The following CHD1L variants were observed in gnomAD, a reference collection of about 807,000 sequenced individuals.
CHD1L encodes the protein ATP-dependent chromatin remodeler CHD1L.
A neutral mutation model predicts 115.9 loss-of-function variants in CHD1L; 118 were observed. The ratio of observed to expected loss-of-function variants is 1.02; its 90% CI spans 0.88 to 1.19. The LOEUF (loss-of-function observed/expected upper bound fraction) is 1.19, where lower values mean the gene tolerates loss of function less well. Among genes scored for constraint, CHD1L ranks in the 50% most tolerant of loss-of-function variants. The pLI is 0.00. For missense variants in CHD1L, 1,179 were observed against 1,065.3 expected, an observed-to-expected ratio of 1.11 and a Z score of -1.49; for synonymous variants, 411 against 387.1, an observed-to-expected ratio of 1.06 and a Z score of -0.72.
intron 15 of CHD1L, among the ~76,000 whole-genome samples, chr1:147,280,632 T>A (rs112476250): frequency 6.6e-6 from 1 of 152,224 alleles, no homozygotes; most frequent in Non-Finnish European, 1.5e-5. Context: ...GTGCGGACTT[T>A]GTCATGTGCT....
the CHD1L span, chr1:147,178,064 T>C: frequency 9.3e-7 from 1 of 1,072,100 alleles, no homozygotes. Flanking sequence ...ACCGCCGCAG[T>C]CCCAGTCGAG....
chr1:147,247,444 C>T (rs1666971964), intron 1 of CHD1L, among the ~76,000 whole-genome samples: 1 of 152,080 alleles, frequency 6.6e-6, no homozygotes, highest in Non-Finnish European at 1.5e-5. Context: ...AAGAGCCTGG[C>T]ATCCCCCACG....
At chr1:147,207,514 A>G in the CHD1L span, among the ~76,000 whole-genome samples, 311 of 152,266 alleles carry the variant, frequency 2.0e-3, 1 homozygote, top group African/African-American at 7.3e-3. Flanking sequence ...CTTCATTATA[A>G]TCTGTCCTCT....
intron 20 of CHD1L, among the ~76,000 whole-genome samples, chr1:147,292,720 AAGAG>A (rs1170037556): frequency 6.6e-6 from 1 of 152,200 alleles, no homozygotes; most frequent in African/African-American, 2.4e-5. Context: ...GAGCAGGAAC[AAGAG>A]AGAGTGGGGG....
rs587667358 is a variant in CHD1L, at chr1:147,280,667, A to G, written c.1705+476A>G. Among the ~76,000 whole-genome samples the G allele has an allele frequency of 7.2e-5, 11 of 152,276 alleles. No individual in the cohort carries two copies. In the South Asian group the frequency reaches 1.2e-3, roughly 17 times the overall value. ...TTTTTCCATTTAATTTCTGTAATCC[A>G]TGAGATGTAGGAGATGGTTTTGTCT... On this transcript the variant is annotated intron_variant, in intron 15 of 22. Coordinates refer to ENST00000369258, the MANE Select transcript of CHD1L (RefSeq NM_004284.6).
chr1:147,212,852 C>G, the CHD1L span, among the ~76,000 whole-genome samples: 1 of 152,082 alleles, frequency 6.6e-6, no homozygotes, highest in South Asian at 2.1e-4. Context: ...CCTTAAATAC[C>G]TACTCGCATT....
chr1:147,203,761 T>C, the CHD1L span: 89 of 1,530,818 alleles, frequency 5.8e-5, no homozygotes, highest in Non-Finnish European at 7.9e-5. Flanking sequence ...CATCATCTAC[T>C]GCCCTTTCTA....
the CHD1L span, chr1:147,213,310 G>A: frequency 6.2e-7 from 1 of 1,604,342 alleles, no homozygotes; most frequent in Non-Finnish European, 8.5e-7. Flanking sequence ...CTGCTCACCA[G>A]GGAAGCTTTC....
At chr1:147,288,397 C>T (rs1553967958) in intron 19 of CHD1L, among the ~76,000 whole-genome samples, 1 of 143,646 alleles carries the variant, frequency 7.0e-6, no homozygotes, top group African/African-American at 2.6e-5. Context: ...ATGAAAATAT[C>T]AAAGATCTAT....
In CHD1L at chr1:147,264,550, A is replaced by T. The variant is rs782408250; in HGVS notation, c.705A>T (p.Gln235His). ...AGGAAGAGGTGGGAGATTTTATTCA[A>T]CGCTACCAGGATATTGAGAAAGAAT... ...FSKEEVGDFI[Q>H]RYQDIEKESE... The change falls in exon 7 of 23, where the codon CAA becomes CAT. Residue 235 changes from glutamine to histidine, a missense_variant. Gln to His is a conservative substitution (Grantham distance 24). Coordinates refer to ENST00000369258, the MANE Select transcript of CHD1L (RefSeq NM_004284.6). 4.3e-6 allele frequency: 7 copies of T among 1,613,882 alleles called. No homozygotes were observed. The South Asian group carries it at 7.7e-5, about 18-fold the overall frequency.
chr1:147,226,338 G>A, the CHD1L span, among the ~76,000 whole-genome samples: 1 of 152,112 alleles, frequency 6.6e-6, no homozygotes, highest in Non-Finnish European at 1.5e-5. Flanking sequence ...ACTGAGCTGA[G>A]TGCTGGAGTA....
At chr1:147,288,322 C>A (rs1224326756) in intron 19 of CHD1L, among the ~76,000 whole-genome samples, 4 of 87,892 alleles carry the variant, frequency 4.6e-5, no homozygotes, top group East Asian at 3.8e-4. Flanking sequence ...GACCCTGTTT[C>A]AATAAAAAAA....
Position 147,291,508 on chromosome 1 carries a change from T to C in CHD1L, c.2347T>C (p.Phe783Leu), listed in dbSNP as rs782054927. The change falls in exon 20 of 23, where the codon TTT becomes CTT. Residue 783 changes from phenylalanine (F) to leucine (L), a missense_variant. Phe to Leu is a conservative substitution (Grantham distance 22). Transcript: ENST00000369258. ...KDLSLGGVLLFPVDDKESRNK... is the reference protein window; with the variant it reads ...KDLSLGGVLLLPVDDKESRNK... Reference sequence around the variant, plus strand: ...CCTGAGTTTGGGAGGTGTCCTTTTATTTCCTGTTGATGATAAAGAATCAAG... The same window carrying C: ...CCTGAGTTTGGGAGGTGTCCTTTTACTTCCTGTTGATGATAAAGAATCAAG... 41 of 1,613,946 alleles carry C rather than the reference T, an allele frequency of 2.5e-5. No individual in the cohort carries two copies. The highest frequency in any genetic ancestry group is 3.1e-5 in the Non-Finnish European group (36 of 1,179,958).
chr1:147,249,978 C>A (rs1379481121), intron 1 of CHD1L, among the ~76,000 whole-genome samples: 1 of 152,072 alleles, frequency 6.6e-6, no homozygotes, highest in Non-Finnish European at 1.5e-5. Context: ...TTCCTCACTT[C>A]CTTCCATTCT....
chr1:147,230,660 G>T, the CHD1L span, among the ~76,000 whole-genome samples: 1 of 140,392 alleles, frequency 7.1e-6, no homozygotes, highest in African/African-American at 2.8e-5. Flanking sequence ...TGGTTGGTAA[G>T]CTATTAATTA....
At chr1:147,272,912 A>AAG (rs1380376015) in intron 12 of CHD1L, among the ~76,000 whole-genome samples, 1 of 151,222 alleles carries the variant, frequency 6.6e-6, no homozygotes, top group Non-Finnish European at 1.5e-5. Flanking sequence ...GGAAAAAAAA[A>AAG]AAAAAAGGCC....
chr1:147,232,923 C>T, the CHD1L span, among the ~76,000 whole-genome samples: 14 of 152,310 alleles, frequency 9.2e-5, no homozygotes, highest in South Asian at 2.1e-4. Flanking sequence ...GCCGCCACCC[C>T]ATCTGGGAAG....
intron 20 of CHD1L, 43 bp downstream of exon 20, chr1:147,291,595 C>T: frequency 6.6e-7 from 1 of 1,513,490 alleles, no homozygotes; most frequent in Non-Finnish European, 9.2e-7. Flanking sequence ...AGTGGACTCA[C>T]ATCAACTTCT....
At chr1:147,276,049 T>C in intron 13 of CHD1L, 55 bp from the exon 14 acceptor site, 1 of 1,558,962 alleles carries the variant, frequency 6.4e-7, no homozygotes, top group African/African-American at 1.4e-5. Context: ...TTGCATACTT[T>C]TGCCCAGCTT....
Sources: gnomAD v4.1 joint callset for allele counts (sites outside exome capture counted in the v4.1 genomes callset) on GRCh38, gnomAD v4.1.1 for gene constraint, MANE v1.5 for transcripts, NCBI Gene and HGNC (gene_info 2026-07-23, HGNC 2026-07-21) for gene names.